AFF2: variants seen among roughly 807,000 people sequenced by gnomAD.
AFF2 encodes AF4/FMR2 family member 2.
In AFF2, 14 loss-of-function variants were observed where a neutral mutation model predicts 76.9. The ratio of observed to expected loss-of-function variants is 0.18; its 90% CI spans 0.12 to 0.28. The LOEUF (loss-of-function observed/expected upper bound fraction) is 0.28, where lower values mean the gene tolerates loss of function less well. AFF2 is among the 10% of genes least tolerant of loss of function. The pLI, the probability that AFF2 is intolerant of heterozygous loss-of-function variation, is 1.00. For missense variants in AFF2, 868 were observed against 1,001.1 expected (o/e 0.87, Z 1.79); for synonymous variants, 398 against 366.7 (o/e 1.09, Z -0.98).
At chrX:148,927,398 TTTATC>T (rs1414429835) in intron 9 of AFF2, among the ~76,000 whole-genome samples, 2 of 111,422 alleles carry the variant, frequency 1.8e-5, no homozygotes, top group African/African-American at 6.5e-5. Context: ...CTTTCTCTCT[TTTATC>T]TTGTTTTTCT....
chrX:148,734,424 G>T lies in AFF2; in HGVS notation c.1041+71656G>T, dbSNP rs556827067. Among the ~76,000 whole-genome samples, 6 of 111,685 alleles carry T rather than the reference G, an allele frequency of 5.4e-5. No homozygotes were observed. In the South Asian group the frequency reaches 2.3e-3, roughly 42 times the overall value. On this transcript the variant is annotated intron_variant, in intron 3 of 20. Coordinates refer to ENST00000370460, the MANE Select transcript of AFF2 (RefSeq NM_002025.4). Reference sequence around the variant, plus strand: ...GCTAGTATTGTATCCCTACTGTGTTGCAGAGAGAACAGCCACTTTCTCAAA... The same window carrying T: ...GCTAGTATTGTATCCCTACTGTGTTTCAGAGAGAACAGCCACTTTCTCAAA...
intron 1 of AFF2, among the ~76,000 whole-genome samples, chrX:148,523,178 G>A (rs1181440810): frequency 4.0e-4 from 45 of 112,149 alleles, no homozygotes; most frequent in Admixed American, 4.0e-3. Context: ...AATAAAATGA[G>A]CAGAATGAAG....
At chrX:148,986,193 C>A (rs1262344527) in intron 19 of AFF2, among the ~76,000 whole-genome samples, 3 of 111,794 alleles carry the variant, frequency 2.7e-5, no homozygotes, top group Non-Finnish European at 3.8e-5. Flanking sequence ...TTCAAACATG[C>A]AGACTCATGG....
intron 1 of AFF2, among the ~76,000 whole-genome samples, chrX:148,651,178 G>A (rs1365759168): frequency 8.9e-6 from 1 of 112,058 alleles, no homozygotes; most frequent in East Asian, 2.8e-4. Flanking sequence ...AAACCAGAAG[G>A]CCTGGAATAT....
intron 3 of AFF2, among the ~76,000 whole-genome samples, chrX:148,739,581 C>T (rs2055325861): frequency 9.0e-6 from 1 of 111,731 alleles, no homozygotes; most frequent in Non-Finnish European, 1.9e-5. Context: ...CTTATCCATT[C>T]TGCGTTTCTG....
At chrX:148,665,764 C>A (rs1303322506) in intron 3 of AFF2, among the ~76,000 whole-genome samples, 3 of 111,979 alleles carry the variant, frequency 2.7e-5, no homozygotes, top group Non-Finnish European at 5.6e-5. Flanking sequence ...AATTCAGCCC[C>A]AGTTCCTGGC....
chrX:148,666,534 G>A (rs1405820865), intron 3 of AFF2, among the ~76,000 whole-genome samples: 2 of 109,905 alleles, frequency 1.8e-5, no homozygotes, highest in African/African-American at 3.3e-5. Flanking sequence ...GCAGTGAGCC[G>A]AGGTTGCACC....
rs782334073 is a variant in AFF2 at position 148,904,280 on chromosome X, T to A, written c.1397+22T>A. 19 of 988,714 alleles carry A rather than the reference T, an allele frequency of 1.9e-5. No individual in the cohort carries two copies. In the Admixed American group the frequency reaches 4.0e-4, roughly 21 times the overall value. The allele number at this position is 988,714 out of a possible 1,213,427, so 81.5% of individuals were successfully genotyped here. On this transcript the variant is annotated intron_variant, in intron 9 of 20. Coordinates refer to ENST00000370460, the MANE Select transcript of AFF2 (RefSeq NM_002025.4). The stretch of plus-strand genomic sequence containing the variant: ...TGAAGTAAGTTATTATTTTTATTAG[T>A]TGCAAATGTTAATTTTAACGGACTC...
intron 3 of AFF2, among the ~76,000 whole-genome samples, chrX:148,671,705 G>A (rs996548671): frequency 9.0e-6 from 1 of 110,963 alleles, no homozygotes; most frequent in Non-Finnish European, 1.9e-5. Flanking sequence ...GGTAAATATG[G>A]GAAGACTCAA....
chrX:148,771,440 T>C, intron 3 of AFF2, among the ~76,000 whole-genome samples: 1 of 112,275 alleles, frequency 8.9e-6, no homozygotes, highest in Non-Finnish European at 1.9e-5. Context: ...CATTTCCTCC[T>C]TACATTCATT....
At chrX:148,887,520 A>C (rs1206740631) in intron 8 of AFF2, among the ~76,000 whole-genome samples, 3 of 112,335 alleles carry the variant, frequency 2.7e-5, no homozygotes, top group Non-Finnish European at 5.6e-5. Flanking sequence ...AATTATATGA[A>C]TGTAATCTAC....
intron 6 of AFF2, 92 bp from the exon 7 acceptor site, chrX:148,843,290 G>A (rs782761453): frequency 5.6e-5 from 43 of 769,666 alleles, no homozygotes; most frequent in Non-Finnish European, 6.9e-5. Flanking sequence ...AAGGTAACTC[G>A]GGGGACTGCA....
chrX:148,902,278 A>T (rs2071362744), intron 8 of AFF2, among the ~76,000 whole-genome samples: 1 of 111,550 alleles, frequency 9.0e-6, no homozygotes, highest in Non-Finnish European at 1.9e-5. Flanking sequence ...ATCCTATCAC[A>T]TCCAGCATGC....
intron 3 of AFF2, among the ~76,000 whole-genome samples, chrX:148,779,459 T>C (rs1319288712): frequency 8.9e-6 from 1 of 111,866 alleles, no homozygotes; most frequent in Non-Finnish European, 1.9e-5. Flanking sequence ...AGCGTCCCAC[T>C]ATTATTGTGT....
intron 3 of AFF2, among the ~76,000 whole-genome samples, chrX:148,724,687 A>G (rs1557264093): frequency 8.9e-6 from 1 of 112,096 alleles, no homozygotes; most frequent in African/African-American, 3.2e-5. Flanking sequence ...TTTGAACACA[A>G]TTCTCCAAAT....
Position 148,500,924 on chromosome X carries a change from A to G in AFF2, c.-174A>G. 1 of 549,778 alleles carries G rather than the reference A, an allele frequency of 1.8e-6. No homozygotes were observed. Among genetic ancestry groups the G allele is most frequent in the Non-Finnish European group, 2.7e-6 (1 of 364,993 alleles). The allele number at this position is 549,778 out of a possible 1,213,427, so 45.3% of individuals were successfully genotyped here. A position where few individuals can be genotyped will look rare whatever the true frequency, so the allele number is the denominator to read the frequency against. On this transcript the variant is annotated 5_prime_UTR_variant, in exon 1 of 21. Transcript: ENST00000370460. ...CGCCGCTTCCTCGCCGGAGCACAGG[A>G]CCAGACACCTCCAGCGCCCGCTGCT...
intron 1 of AFF2, among the ~76,000 whole-genome samples, chrX:148,543,056 C>T (rs1269663285): frequency 8.9e-6 from 1 of 111,738 alleles, no homozygotes; most frequent in Admixed American, 9.5e-5. Flanking sequence ...TTACCATCCT[C>T]TAGAGGGCAG....
chrX:148,925,259 G>A (rs1336285061), intron 9 of AFF2, among the ~76,000 whole-genome samples: 2 of 112,670 alleles, frequency 1.8e-5, no homozygotes, highest in African/African-American at 3.2e-5. Context: ...TTATACCGAT[G>A]AGATGTTATC....
intron 3 of AFF2, among the ~76,000 whole-genome samples, chrX:148,805,386 C>G (rs1471401784): frequency 9.0e-6 from 1 of 111,535 alleles, no homozygotes; most frequent in Non-Finnish European, 1.9e-5. Context: ...TCTTCTCTCA[C>G]AATCCCTTGG....
Sources: gnomAD v4.1 joint callset for allele counts (sites outside exome capture counted in the v4.1 genomes callset) on GRCh38, gnomAD v4.1.1 for gene constraint, MANE v1.5 for transcripts, NCBI Gene and HGNC (gene_info 2026-07-23, HGNC 2026-07-21) for gene names.